Variants in CACNA2D3 observed in about 807,000 individuals in gnomAD.
CACNA2D3 encodes the protein calcium voltage-gated channel auxiliary subunit alpha2delta 3.
CACNA2D3 carries 60 observed loss-of-function variants against 160.6 expected under a neutral mutation model. The ratio of observed to expected loss-of-function variants is 0.37; its 90% CI spans 0.30 to 0.46. The LOEUF is 0.46. CACNA2D3 is among the 20% of genes least tolerant of loss of function. The pLI is 1.00. For missense variants in CACNA2D3, 1,205 were observed against 1,365.0 expected, an observed-to-expected ratio of 0.88 and a Z score of 1.85; for synonymous variants, 558 against 492.9, an observed-to-expected ratio of 1.13 and a Z score of -1.75.
At chr3:54,409,184 A>G (rs1364971843) in intron 4 of CACNA2D3, among the ~76,000 whole-genome samples, 2 of 152,216 alleles carry the variant, frequency 1.3e-5, no homozygotes, top group Non-Finnish European at 2.9e-5. Context: ...CCAACAGCAC[A>G]TGCTCACGTC....
intron 14 of CACNA2D3, among the ~76,000 whole-genome samples, chr3:54,833,394 C>T (rs778714298): frequency 3.0e-4 from 46 of 152,122 alleles, no homozygotes; most frequent in Non-Finnish European, 5.6e-4. Context: ...TGCTCCTACC[C>T]CTTGGAAAAT....
chr3:54,820,527 G>T (rs1237507376), intron 14 of CACNA2D3, among the ~76,000 whole-genome samples: 2 of 152,158 alleles, frequency 1.3e-5, no homozygotes, highest in Non-Finnish European at 2.9e-5. Flanking sequence ...AATTGGAGTG[G>T]CACTAACTGG....
intron 5 of CACNA2D3, among the ~76,000 whole-genome samples, chr3:54,545,928 T>G (rs1227902902): frequency 6.6e-6 from 1 of 152,224 alleles, no homozygotes; most frequent in East Asian, 1.9e-4. Flanking sequence ...GATCCAAGGC[T>G]TAATAGGTTT....
chr3:55,022,871 A>C (rs1458148827), intron 35 of CACNA2D3, among the ~76,000 whole-genome samples: 1 of 151,920 alleles, frequency 6.6e-6, no homozygotes, highest in East Asian at 1.9e-4. Context: ...TCTTTCATAT[A>C]ATATTTTCTA....
rs540323278 is a variant in CACNA2D3, at chr3:54,150,625, T to C, written c.204+27031T>C. Among the ~76,000 whole-genome samples the C allele has an allele frequency of 3.9e-5, 6 of 152,366 alleles. 1 individual carries two copies. The South Asian group carries it at 1.2e-3, about 32-fold the overall frequency. ...GTAATGTCATTATTATTTCTCTTATTATAATTACTACAATTTAATTCCTTT... is the reference window on the plus strand; with the variant it reads ...GTAATGTCATTATTATTTCTCTTATCATAATTACTACAATTTAATTCCTTT... On this transcript the variant is annotated intron_variant, in intron 2 of 37. Coordinates refer to ENST00000474759, the MANE Select transcript of CACNA2D3 (RefSeq NM_018398.3).
intron 5 of CACNA2D3, among the ~76,000 whole-genome samples, chr3:54,546,506 G>A (rs1207320203): frequency 6.6e-6 from 1 of 152,060 alleles, no homozygotes; most frequent in Admixed American, 6.6e-5. Context: ...TGGAGGGCTG[G>A]TGTCTAGAGC....
intron 13 of CACNA2D3, among the ~76,000 whole-genome samples, chr3:54,785,623 G>GA (rs1302240109): frequency 6.6e-6 from 1 of 152,096 alleles, no homozygotes; most frequent in East Asian, 1.9e-4. Flanking sequence ...TTTCTGTAGG[G>GA]AAATTGAGAA....
intron 4 of CACNA2D3, among the ~76,000 whole-genome samples, chr3:54,493,067 T>C (rs1398634727): frequency 2.6e-4 from 2 of 7,786 alleles, no homozygotes; most frequent in Non-Finnish European, 4.1e-4. Context: ...AAACTTTTTT[T>C]TTTTTTTTTT....
At chr3:54,863,722 T>A (rs7648027) in intron 17 of CACNA2D3, among the ~76,000 whole-genome samples, 6,199 of 135,242 alleles carry the variant, frequency 0.046, 217 homozygotes, top group Admixed American at 0.14. Context: ...TGTTTTTTTT[T>A]AAAAAAAAAA....
intron 35 of CACNA2D3, among the ~76,000 whole-genome samples, chr3:55,044,254 T>C (rs9845676): frequency 0.18 from 26,888 of 152,160 alleles, 2,541 homozygotes; most frequent in Non-Finnish European, 0.19. Flanking sequence ...TGTAACCATC[T>C]ATTTATTTCA....
At chr3:54,475,240 T>C (rs928793431) in intron 4 of CACNA2D3, among the ~76,000 whole-genome samples, 12 of 152,086 alleles carry the variant, frequency 7.9e-5, no homozygotes, top group African/African-American at 2.2e-4. Context: ...CTTTTGTGAG[T>C]TGCAAAGGAA....
intron 13 of CACNA2D3, among the ~76,000 whole-genome samples, chr3:54,787,777 G>A (rs1702669631): frequency 6.6e-6 from 1 of 152,170 alleles, no homozygotes; most frequent in Admixed American, 6.5e-5. Flanking sequence ...AGTTAGTGCT[G>A]TTTCCAGTGA....
At chr3:54,335,729 G>C (rs1021379365) in intron 3 of CACNA2D3, among the ~76,000 whole-genome samples, 2 of 152,012 alleles carry the variant, frequency 1.3e-5, no homozygotes, top group African/African-American at 4.8e-5. Context: ...TTGCGGCCAG[G>C]CGCAGTGGCT....
chr3:54,571,346 G>A (rs941297713), intron 8 of CACNA2D3, among the ~76,000 whole-genome samples: 1 of 152,066 alleles, frequency 6.6e-6, no homozygotes, highest in Non-Finnish European at 1.5e-5. Context: ...AGGCATGTTC[G>A]ACCCCCATTT....
intron 3 of CACNA2D3, among the ~76,000 whole-genome samples, chr3:54,327,901 G>A (rs915403678): frequency 2.7e-4 from 41 of 152,096 alleles, no homozygotes; most frequent in Admixed American, 2.4e-3. Flanking sequence ...AAGATTACAT[G>A]TTGTGGACAT....
At chr3:54,918,319 ATCT>A in intron 27 of CACNA2D3, 2 of 642,614 alleles carry the variant, frequency 3.1e-6, no homozygotes, top group Non-Finnish European at 4.7e-6. Context: ...TTACAGACAC[ATCT>A]TTTTTTTTTC....
intron 4 of CACNA2D3, among the ~76,000 whole-genome samples, chr3:54,441,936 A>G (rs1700151343): frequency 6.6e-6 from 1 of 152,218 alleles, no homozygotes; most frequent in Non-Finnish European, 1.5e-5. Flanking sequence ...AGAAAACCAC[A>G]AAGACCTGTT....
intron 2 of CACNA2D3, among the ~76,000 whole-genome samples, chr3:54,298,944 TAAAAAAAAAAAA>T (rs59100168): frequency 4.5e-4 from 45 of 99,334 alleles, no homozygotes; most frequent in African/African-American, 1.6e-3. Flanking sequence ...CTCTGTTTCT[TAAAAAAAAAAAA>T]AAAAAAAAAA....
At chr3:54,796,204 G>A (rs965854000) in intron 13 of CACNA2D3, among the ~76,000 whole-genome samples, 3 of 152,160 alleles carry the variant, frequency 2.0e-5, no homozygotes. Flanking sequence ...TAGGGAAAGA[G>A]CAGCCAGACT....
Sources: gnomAD v4.1 joint callset for allele counts (sites outside exome capture counted in the v4.1 genomes callset) on GRCh38, gnomAD v4.1.1 for gene constraint, MANE v1.5 for transcripts, NCBI Gene and HGNC (gene_info 2026-07-23, HGNC 2026-07-21) for gene names.